The following GGACT variants were observed in gnomAD, a reference collection of about 807,000 sequenced individuals.
The protein encoded by GGACT is gamma-glutamylamine cyclotransferase.
For missense variants in GGACT, 241 were observed against 233.2 expected (o/e 1.03, Z -0.22); for synonymous variants, 118 against 115.3 (o/e 1.02, Z -0.15).
At chr13:100,555,507 G>A (rs544871982) in intron 2 of GGACT, among the ~76,000 whole-genome samples, 8 of 152,076 alleles carry the variant, frequency 5.3e-5, no homozygotes, top group South Asian at 4.2e-4. Context: ...TCCAGCCTGC[G>A]TGACAGAGTG....
chr13:100,553,762 T>C (rs2088687175), intron 2 of GGACT, among the ~76,000 whole-genome samples: 1 of 149,980 alleles, frequency 6.7e-6, no homozygotes, highest in African/African-American at 2.5e-5. Context: ...AAGAATCGCT[T>C]GCACCAGTGA....
At chr13:100,575,494 A>AGGG (rs1367479862) in intron 2 of GGACT, among the ~76,000 whole-genome samples, 1 of 152,198 alleles carries the variant, frequency 6.6e-6, no homozygotes, top group Non-Finnish European at 1.5e-5. Context: ...ATAAGGAAAA[A>AGGG]GGTATTCAAA....
intron 2 of GGACT, among the ~76,000 whole-genome samples, chr13:100,559,024 T>G (rs2088734772): frequency 1.3e-5 from 2 of 152,100 alleles, no homozygotes; most frequent in South Asian, 4.1e-4. Flanking sequence ...GAATGACCAC[T>G]AATGGTTATG....
At chr13:100,567,697 A>G (rs550407148) in intron 2 of GGACT, among the ~76,000 whole-genome samples, 38 of 152,314 alleles carry the variant, frequency 2.5e-4, no homozygotes, top group African/African-American at 9.1e-4. Flanking sequence ...CTTTACATCT[A>G]TGTTCACTTC....
At chr13:100,577,454 A>AAATAAAT (rs1566539342) in intron 2 of GGACT, among the ~76,000 whole-genome samples, 3 of 82,064 alleles carry the variant, frequency 3.7e-5, no homozygotes, top group African/African-American at 1.2e-4. Flanking sequence ...AATAAATAAA[A>AAATAAAT]AGAAAAAGAA....
intron 2 of GGACT, among the ~76,000 whole-genome samples, chr13:100,564,254 T>C (rs1347675522): frequency 6.6e-6 from 1 of 152,194 alleles, no homozygotes; most frequent in Non-Finnish European, 1.5e-5. Flanking sequence ...GTCTATCTGT[T>C]TTACAGTGAT....
At position 100,564,243 on chromosome 13, in the gene GGACT, G is replaced by C. The variant is rs188754936; in HGVS notation, c.-11+19582C>G. ...TGGGAAAATCATTGATTGTGGGAAGGGTCTATCTGTTTTACAGTGATGCTC... is the reference window on the plus strand; with the variant it reads ...TGGGAAAATCATTGATTGTGGGAAGCGTCTATCTGTTTTACAGTGATGCTC... On this transcript the variant is annotated intron_variant, in intron 2 of 2. Coordinates refer to ENST00000683975, the MANE Select transcript of GGACT (RefSeq NM_001195087.2). Among the ~76,000 whole-genome samples, 919 of 152,246 alleles carry C rather than the reference G, an allele frequency of 6.0e-3. 9 individuals carry two copies. Among genetic ancestry groups the C allele is most frequent in the African/African-American group, 0.021 (866 of 41,528 alleles).
At chr13:100,559,410 C>T (rs1189994291) in intron 2 of GGACT, among the ~76,000 whole-genome samples, 1 of 152,148 alleles carries the variant, frequency 6.6e-6, no homozygotes, top group African/African-American at 2.4e-5. Context: ...TGGTCTTCAT[C>T]TCCTGACCTC....
At chr13:100,533,748 A>T (rs1186160612) in intron 2 of GGACT, 2 of 152,226 alleles carry the variant, frequency 1.3e-5, no homozygotes, top group Non-Finnish European at 2.9e-5. Context: ...GTAAATATTT[A>T]CCACTTGCCT....
At chr13:100,538,632 T>C (rs2088521071) in intron 2 of GGACT, 2 of 152,234 alleles carry the variant, frequency 1.3e-5, no homozygotes, top group South Asian at 4.1e-4. Context: ...TTCTATGCTA[T>C]TTTGATTACA....
chr13:100,535,975 C>CA (rs1202968467), intron 2 of GGACT: 4 of 152,154 alleles, frequency 2.6e-5, no homozygotes, highest in African/African-American at 9.7e-5. Flanking sequence ...CTGTCCCGTC[C>CA]TCTGGCTGGG....
intron 2 of GGACT, among the ~76,000 whole-genome samples, chr13:100,565,525 A>AAG (rs2088802922): frequency 6.6e-6 from 1 of 152,172 alleles, no homozygotes; most frequent in Non-Finnish European, 1.5e-5. Flanking sequence ...TCACAGCAAA[A>AAG]GGATTCTGCA....
At chr13:100,585,682 C>A (rs1006263214) in intron 1 of GGACT, among the ~76,000 whole-genome samples, 4 of 151,282 alleles carry the variant, frequency 2.6e-5, no homozygotes, top group African/African-American at 9.7e-5. Context: ...GCATGAGAAT[C>A]ACTTGAACCC....
chr13:100,530,642 C>T lies in GGACT; in HGVS notation c.*1488G>A, dbSNP rs542399022. On this transcript the variant is annotated 3_prime_UTR_variant, in exon 3 of 3. Transcript: ENST00000683975. ...AGAAGTGAGGCCCTCACTCCTGGTG[C>T]TGATTTTCAAAACTTCCTAAGGACC... 1.2e-5 allele frequency: 3 copies of T among 243,300 alleles called. No individual in the cohort carries two copies. The highest frequency in any genetic ancestry group is 5.1e-5 in the South Asian group (1 of 19,608). 15.1% of individuals were successfully genotyped at this position (243,300 alleles called of 1,614,324 possible).
chr13:100,538,183 A>G (rs1223826070), intron 2 of GGACT: 24 of 152,250 alleles, frequency 1.6e-4, no homozygotes, highest in African/African-American at 5.3e-4. Context: ...GGTGAGAGGC[A>G]GCAGCAGGAA....
chr13:100,584,335 C>T (rs1315048313), intron 1 of GGACT, among the ~76,000 whole-genome samples: 1 of 152,140 alleles, frequency 6.6e-6, no homozygotes, highest in African/African-American at 2.4e-5. Context: ...CAATATGGTG[C>T]AGCCGGAGGT....
In GGACT at chr13:100,531,983, TA is replaced by T; in HGVS notation, c.*146del. ...GCTATTCGTATCTCAACATTATTTG[TA>T]AAATCAGCTGCCACTGAAAGATTGG... On this transcript the variant is annotated 3_prime_UTR_variant, in exon 3 of 3. Transcript: ENST00000683975. 5 of 499,302 alleles carry T rather than the reference TA, an allele frequency of 1.0e-5. No individual in the cohort carries two copies. Among genetic ancestry groups the T allele is most frequent in the Non-Finnish European group, 1.7e-5 (5 of 298,674 alleles). The allele number at this position is 499,302 out of a possible 1,614,324, so 30.9% of individuals were successfully genotyped here.
intron 2 of GGACT, among the ~76,000 whole-genome samples, chr13:100,577,731 T>C (rs1399063967): frequency 6.6e-6 from 1 of 151,622 alleles, no homozygotes; most frequent in Non-Finnish European, 1.5e-5. Context: ...AGGGTTACTA[T>C]ACTGTACTTT....
intron 2 of GGACT, among the ~76,000 whole-genome samples, chr13:100,582,114 C>A (rs2153017364): frequency 1.3e-5 from 2 of 152,290 alleles, no homozygotes; most frequent in South Asian, 4.1e-4. Flanking sequence ...AACTGCCAAT[C>A]CAACAGCAAT....
Sources: gnomAD v4.1 joint callset for allele counts (sites outside exome capture counted in the v4.1 genomes callset) on GRCh38, gnomAD v4.1.1 for gene constraint, MANE v1.5 for transcripts, NCBI Gene and HGNC (gene_info 2026-07-23, HGNC 2026-07-21) for gene names.